The following PTPRT variants were observed in gnomAD, a reference collection of about 807,000 sequenced individuals.
PTPRT encodes the protein receptor-type tyrosine-protein phosphatase T.
PTPRT carries 56 observed loss-of-function variants against 176.8 expected under a neutral mutation model. The observed-to-expected ratio is 0.32, with a 90% CI of 0.26 to 0.40. PTPRT has a LOEUF of 0.40. PTPRT is among the 10% of genes least tolerant of loss of function. The probability of loss-of-function intolerance (pLI) is 1.00; values close to 1 mark genes in which losing one functional copy is unlikely to be tolerated. For synonymous variants in PTPRT, 783 were observed against 739.0 expected (o/e 1.06, Z -0.96); for missense variants, 1,540 against 1,908.2 (o/e 0.81, Z 3.60).
chr20:42,709,369 G>A (rs1315221727), intron 6 of PTPRT, among the ~76,000 whole-genome samples: 1 of 152,164 alleles, frequency 6.6e-6, no homozygotes, highest in Non-Finnish European at 1.5e-5. Flanking sequence ...TGGCCTCCTT[G>A]CAGTAATAAG....
chr20:42,618,985 G>A (rs573730054), intron 7 of PTPRT, among the ~76,000 whole-genome samples: 1 of 151,844 alleles, frequency 6.6e-6, no homozygotes, highest in African/African-American at 2.4e-5. Context: ...CTGTCATTAT[G>A]ATGTTAGCTG....
intron 9 of PTPRT, among the ~76,000 whole-genome samples, chr20:42,371,275 A>C (rs978473921): frequency 4.6e-5 from 7 of 152,232 alleles, no homozygotes; most frequent in African/African-American, 1.7e-4. Flanking sequence ...ATCCTGTGCC[A>C]ACATTTTCTT....
intron 1 of PTPRT, among the ~76,000 whole-genome samples, chr20:42,955,852 A>C: frequency 8.4e-6 from 1 of 118,690 alleles, no homozygotes; most frequent in Admixed American, 8.9e-5. Context: ...GGAGGGAGGG[A>C]GAAGGAGGGA....
At chr20:43,151,548 T>C (rs1007552094) in intron 1 of PTPRT, among the ~76,000 whole-genome samples, 3 of 151,846 alleles carry the variant, frequency 2.0e-5, no homozygotes, top group South Asian at 2.1e-4. Flanking sequence ...CTTCCCTCCA[T>C]AGGTACATCA....
At position 42,604,214 on chromosome 20, in the gene PTPRT, G is replaced by GT. The variant is rs2073833459; in HGVS notation, c.1153+73651dup. On this transcript the variant is annotated intron_variant, in intron 7 of 30. Coordinates refer to ENST00000373187, the MANE Select transcript of PTPRT (RefSeq NM_007050.6). ...TCTAGTTAATATCTCTCCTCCATTTGTCCCCCCGCTCTGCATTTCCTGGTT... is the reference window on the plus strand; with the variant it reads ...TCTAGTTAATATCTCTCCTCCATTTGTTCCCCCCGCTCTGCATTTCCTGGTT... 6.6e-5 allele frequency among the ~76,000 whole-genome samples: 10 copies of GT among 152,204 alleles called. No individual in the cohort carries two copies. In the South Asian group the frequency reaches 2.1e-3, roughly 32 times the overall value.
chr20:42,245,933 A>G (rs907438310), intron 14 of PTPRT, among the ~76,000 whole-genome samples: 11 of 152,218 alleles, frequency 7.2e-5, no homozygotes, highest in African/African-American at 2.7e-4. Flanking sequence ...GAGGGGTTGT[A>G]GCAGTGTTGG....
rs748208213 is a variant in PTPRT, at chr20:42,448,792, T to C, written c.1451-463A>G. 3.3e-5 allele frequency among the ~76,000 whole-genome samples: 5 copies of C among 151,920 alleles called. No homozygotes were observed. The East Asian group carries it at 5.8e-4, about 18-fold the overall frequency. On this transcript the variant is annotated intron_variant, in intron 8 of 30. Transcript: ENST00000373187. ...AATCTTTTGGCTTCCCTGGGCCACA[T>C]TGGAAGAAGAATTATTATTGTAGGC...
Position 42,185,957 on chromosome 20 carries a change from G to A in PTPRT, c.2491+13283C>T, listed in dbSNP as rs575177904. The stretch of plus-strand genomic sequence containing the variant: ...TTTCTTCAGCTTCCCATCTAGTAGA[G>A]GGGTCAAGTCTTAAACACATTTGCA... On this transcript the variant is annotated intron_variant, in intron 16 of 30. Coordinates refer to ENST00000373187, the MANE Select transcript of PTPRT (RefSeq NM_007050.6). Among the ~76,000 whole-genome samples, 6 of 152,148 alleles carry A rather than the reference G, an allele frequency of 3.9e-5. No individual in the cohort carries two copies. In the South Asian group the frequency reaches 1.2e-3, roughly 32 times the overall value.
chr20:42,772,476 C>T (rs752131858), intron 4 of PTPRT, among the ~76,000 whole-genome samples: 3 of 152,182 alleles, frequency 2.0e-5, no homozygotes, highest in East Asian at 1.9e-4. Flanking sequence ...AGACAATCTT[C>T]GGATTAAGTC....
chr20:42,134,825 C>T (rs1031840156), intron 18 of PTPRT, among the ~76,000 whole-genome samples: 17 of 152,212 alleles, frequency 1.1e-4, no homozygotes, highest in African/African-American at 4.1e-4. Flanking sequence ...ACACCACTGA[C>T]AGAGGACAAA....
chr20:42,409,267 G>C (rs1011280485), intron 9 of PTPRT, among the ~76,000 whole-genome samples: 1 of 151,990 alleles, frequency 6.6e-6, no homozygotes, highest in African/African-American at 2.4e-5. Context: ...TGGATCATGA[G>C]GTCAGGAGTT....
chr20:42,541,070 A>T (rs1488501716), intron 7 of PTPRT, among the ~76,000 whole-genome samples: 1 of 152,220 alleles, frequency 6.6e-6, no homozygotes, highest in South Asian at 2.1e-4. Flanking sequence ...TGCTCCTATC[A>T]TATGCCAAAG....
chr20:42,111,080 C>CA (rs1291613670), intron 22 of PTPRT, among the ~76,000 whole-genome samples: 2 of 152,160 alleles, frequency 1.3e-5, no homozygotes, highest in South Asian at 2.1e-4. Context: ...CTGATGGAGA[C>CA]AGAGTGGGGC....
chr20:42,871,337 T>G (rs1443881285), intron 2 of PTPRT, among the ~76,000 whole-genome samples: 1 of 151,524 alleles, frequency 6.6e-6, no homozygotes, highest in East Asian at 1.9e-4. Flanking sequence ...AAAAATCAGG[T>G]TATTTGTTTT....
At chr20:42,535,136 T>C (rs928013192) in intron 7 of PTPRT, among the ~76,000 whole-genome samples, 1 of 152,074 alleles carries the variant, frequency 6.6e-6, no homozygotes, top group African/African-American at 2.4e-5. Flanking sequence ...AACAAAAATA[T>C]GCAGACACAC....
At chr20:43,017,667 A>G (rs1219942428) in intron 1 of PTPRT, among the ~76,000 whole-genome samples, 1 of 152,186 alleles carries the variant, frequency 6.6e-6, no homozygotes, top group Non-Finnish European at 1.5e-5. Flanking sequence ...CCTGGCAGGA[A>G]AGCTGGACTG....
At chr20:42,782,986 T>C (rs1306905433) in intron 3 of PTPRT, among the ~76,000 whole-genome samples, 2 of 152,234 alleles carry the variant, frequency 1.3e-5, no homozygotes, top group Admixed American at 6.5e-5. Context: ...TAAATAATAA[T>C]GTATTTCCTA....
chr20:42,311,460 C>G (rs1302709471), intron 12 of PTPRT, among the ~76,000 whole-genome samples: 1 of 152,152 alleles, frequency 6.6e-6, no homozygotes, highest in African/African-American at 2.4e-5. Flanking sequence ...CTAAAACTTG[C>G]AGGTAGAGTA....
At chr20:43,180,402 C>T (rs972689224) in intron 1 of PTPRT, among the ~76,000 whole-genome samples, 11 of 143,884 alleles carry the variant, frequency 7.6e-5, no homozygotes, top group Non-Finnish European at 9.1e-5. Context: ...CCTCTCTCTC[C>T]CTGTCATATA....
Sources: allele counts gnomAD v4.1 joint callset (sites outside exome capture counted in the v4.1 genomes callset), GRCh38; gene constraint gnomAD v4.1.1; transcripts MANE v1.5; gene names NCBI Gene and HGNC (gene_info 2026-07-23, HGNC 2026-07-21).